Variants in LDLRAD4 observed in about 807,000 individuals in gnomAD.
LDLRAD4 encodes low-density lipoprotein receptor class A domain-containing protein 4.
In LDLRAD4, 5 loss-of-function variants were observed where a neutral mutation model predicts 17.0. The observed-to-expected ratio is 0.29, with a 90% confidence interval of 0.15 to 0.62. The LOEUF is 0.62. Ranked by LOEUF, LDLRAD4 falls within the 20% of genes least tolerant of loss-of-function variation. LDLRAD4 has a pLI of 0.84. For synonymous variants in LDLRAD4, 168 were observed against 171.8 expected (o/e 0.98, Z 0.17); for missense variants, 340 against 424.7 (o/e 0.80, Z 1.75).
At chr18:13,402,054 G>T (rs2087268025) in intron 2 of LDLRAD4, among the ~76,000 whole-genome samples, 1 of 152,192 alleles carries the variant, frequency 6.6e-6, no homozygotes, top group South Asian at 2.1e-4. Context: ...GCCATACTTT[G>T]TCTCTTCTCA....
rs762965378 is a variant in LDLRAD4 at position 13,645,902 on chromosome 18, G to T, written c.*245G>T. On this transcript the variant is annotated 3_prime_UTR_variant, in exon 6 of 6. Coordinates refer to ENST00000359446, the Ensembl canonical transcript of LDLRAD4. This position sits in a 1 kb window ranked among gnomAD's most constrained non-coding sequence, Gnocchi z 5.7. Reference sequence around the variant, plus strand: ...TTTGGGGACAGGGGTTGGGATGGGGGTGTGGGCAGGGGAAAACAGAGAACG... The same window carrying T: ...TTTGGGGACAGGGGTTGGGATGGGGTTGTGGGCAGGGGAAAACAGAGAACG... 2 of 366,510 alleles carry T rather than the reference G, an allele frequency of 5.5e-6. No homozygotes were observed. The highest frequency in any genetic ancestry group is 9.7e-6 in the Non-Finnish European group (2 of 207,098). 22.7% of individuals were successfully genotyped at this position (366,510 alleles called of 1,614,324 possible). A position where few individuals can be genotyped will look rare whatever the true frequency, so the allele number is the denominator to read the frequency against.
intron 3 of LDLRAD4, among the ~76,000 whole-genome samples, chr18:13,574,198 G>A (rs1449793836): frequency 6.6e-6 from 1 of 152,300 alleles, no homozygotes; most frequent in Non-Finnish European, 1.5e-5. Context: ...TTTAATAGTG[G>A]ATGTTCTGCC....
Position 13,430,415 on chromosome 18 carries a change from T to G in LDLRAD4, c.41-7829T>G, listed in dbSNP as rs1319930602. Among the ~76,000 whole-genome samples, 3 of 152,316 alleles carry G rather than the reference T, an allele frequency of 2.0e-5. No homozygotes were observed. In the East Asian group the frequency reaches 5.8e-4, roughly 29 times the overall value. ...TCGGCACAGTTGACTTTCCATCACTTTCACTAAGTTTATTTAAACCCTGCA... is the reference window on the plus strand; with the variant it reads ...TCGGCACAGTTGACTTTCCATCACTGTCACTAAGTTTATTTAAACCCTGCA... On this transcript the variant is annotated intron_variant, in intron 2 of 5. Coordinates refer to ENST00000359446, the Ensembl canonical transcript of LDLRAD4.
At chr18:13,516,724 T>A (rs2093873160) in intron 3 of LDLRAD4, among the ~76,000 whole-genome samples, 1 of 152,240 alleles carries the variant, frequency 6.6e-6, no homozygotes, top group Non-Finnish European at 1.5e-5. Flanking sequence ...TTTGTTACCC[T>A]GGATAATGGC....
chr18:13,519,010 A>G (rs1394715700), intron 3 of LDLRAD4, among the ~76,000 whole-genome samples: 2 of 152,194 alleles, frequency 1.3e-5, no homozygotes, highest in East Asian at 3.8e-4. Context: ...GGAGCCCCGC[A>G]GTGGAAATGC....
intron 3 of LDLRAD4, among the ~76,000 whole-genome samples, chr18:13,580,643 T>A (rs923012823): frequency 1.3e-5 from 2 of 152,192 alleles, no homozygotes; most frequent in East Asian, 3.8e-4. Flanking sequence ...GTGGCCATCC[T>A]GGTCCCCAGA....
In LDLRAD4 at chr18:13,348,520, G is replaced by C. The variant is rs754375638; in HGVS notation, c.-382-38821G>C. ...TCCCAGTTAGGCTACTTGGCGGTCA[G>C]GGATCCACTTGAGGAGGCAGTCTGT... On this transcript the variant is annotated intron_variant, in intron 1 of 5. Transcript: ENST00000359446. 3.9e-5 allele frequency among the ~76,000 whole-genome samples: 6 copies of C among 152,198 alleles called. No individual in the cohort carries two copies. In the East Asian group the frequency reaches 1.2e-3, roughly 29 times the overall value.
chr18:13,409,272 G>A (rs1034300692), intron 2 of LDLRAD4, among the ~76,000 whole-genome samples: 12 of 152,200 alleles, frequency 7.9e-5, no homozygotes, highest in Non-Finnish European at 1.5e-4. Flanking sequence ...GCCTGGAAGG[G>A]GTGGGTAGGC....
intron 1 of LDLRAD4, among the ~76,000 whole-genome samples, chr18:13,228,017 A>G (rs574350030): frequency 6.6e-6 from 1 of 152,352 alleles, no homozygotes; most frequent in East Asian, 1.9e-4. Context: ...GCAGAAGCTC[A>G]GCTGGTGATG....
At chr18:13,473,670 T>A (rs1021315764) in intron 3 of LDLRAD4, among the ~76,000 whole-genome samples, 3 of 111,008 alleles carry the variant, frequency 2.7e-5, no homozygotes, top group African/African-American at 1.0e-4. Flanking sequence ...TATATATATA[T>A]ATATATATAA....
chr18:13,550,684 A>G (rs1353463500), intron 3 of LDLRAD4, among the ~76,000 whole-genome samples: 1 of 152,206 alleles, frequency 6.6e-6, no homozygotes, highest in African/African-American at 2.4e-5. Context: ...GCCCCTGCCA[A>G]AACGTAAGCC....
rs117325537 is a variant in LDLRAD4 at position 13,459,672 on chromosome 18, C to T, written c.181+21288C>T. ...TGCTGGGATTACAGCTGTGAGCCAC[C>T]GCACCCGGTCAAATTCGGTGTTTTA... On this transcript the variant is annotated intron_variant, in intron 3 of 5. Transcript: ENST00000359446. Among the ~76,000 whole-genome samples the T allele has an allele frequency of 4.0e-3, 612 of 152,216 alleles. 4 individuals carry two copies. The highest frequency in any genetic ancestry group is 0.016 in the South Asian group (79 of 4,826).
rs909909799 is a variant in LDLRAD4 at position 13,224,830 on chromosome 18, CT to C, written c.-467+5856del. Among the ~76,000 whole-genome samples, 884 of 143,294 alleles carry C rather than the reference CT, an allele frequency of 6.2e-3. 13 individuals are homozygous for C. Among genetic ancestry groups the C allele is most frequent in the African/African-American group, 0.019 (735 of 38,784 alleles). The allele number at this position is 143,294 out of a possible 152,430, so 94.0% of individuals were successfully genotyped here. Reference sequence around the variant, plus strand: ...AGTTATCCCATCTTTAAGAGTCTCTCTTTTTTTTTTTTTTCTTAGATAGAGT... The same window carrying C: ...AGTTATCCCATCTTTAAGAGTCTCTCTTTTTTTTTTTTTCTTAGATAGAGT... On this transcript the variant is annotated intron_variant, in intron 1 of 5. Coordinates refer to the LDLRAD4 transcript ENST00000399848.
intron 2 of LDLRAD4, among the ~76,000 whole-genome samples, chr18:13,411,692 A>T (rs907984541): frequency 1.3e-5 from 2 of 152,168 alleles, no homozygotes; most frequent in Admixed American, 1.3e-4. Flanking sequence ...AGGCCTCCCC[A>T]GCCATGTGGA....
At chr18:13,620,884 G>A in intron 3 of LDLRAD4, 1 of 587,054 alleles carries the variant, frequency 1.7e-6, no homozygotes, top group South Asian at 2.2e-5. Context: ...TCCCTGTGGT[G>A]GGGGATGGCA....
At chr18:13,272,044 T>C (rs10468687) in intron 1 of LDLRAD4, among the ~76,000 whole-genome samples, 114,895 of 151,884 alleles carry the variant, frequency 0.76, 43,691 homozygotes, top group Middle Eastern at 0.82. Flanking sequence ...TACAGGTGCA[T>C]GCCACCATGC....
intron 1 of LDLRAD4, among the ~76,000 whole-genome samples, chr18:13,259,917 T>A (rs976452536): frequency 6.6e-6 from 1 of 152,234 alleles, no homozygotes; most frequent in African/African-American, 2.4e-5. Flanking sequence ...GAGGGGAACG[T>A]GTGGTTTGGA....
chr18:13,327,737 C>T (rs770341007), intron 1 of LDLRAD4, among the ~76,000 whole-genome samples: 19 of 152,090 alleles, frequency 1.2e-4, no homozygotes, highest in South Asian at 6.3e-4. Context: ...GTTGAGAAGC[C>T]GGAGATGGTG....
At chr18:13,435,064 A>G (rs540064242) in intron 2 of LDLRAD4, among the ~76,000 whole-genome samples, 2 of 152,248 alleles carry the variant, frequency 1.3e-5, no homozygotes, top group African/African-American at 4.8e-5. Context: ...TCCTAGGGTT[A>G]TCAGTTTGTT....
Sources: gnomAD v4.1 joint callset for allele counts (sites outside exome capture counted in the v4.1 genomes callset) on GRCh38, gnomAD v4.1.1 for gene constraint, Gnocchi (gnomAD v3.1) non-coding constraint, MANE v1.5 for transcripts, NCBI Gene and HGNC (gene_info 2026-07-23, HGNC 2026-07-21) for gene names.